The following KCNH8 variants were observed in gnomAD, a reference collection of about 807,000 sequenced individuals.
KCNH8 encodes the protein potassium voltage-gated channel subfamily H member 8.
A neutral mutation model predicts 103.6 loss-of-function variants in KCNH8; 70 were observed. The observed-to-expected ratio is 0.68, with a 90% confidence interval of 0.56 to 0.82. KCNH8 has a LOEUF of 0.82. KCNH8 is among the 40% of genes least tolerant of loss of function. The pLI, the probability that KCNH8 is intolerant of heterozygous loss-of-function variation, is 0.00. For synonymous variants in KCNH8, 498 were observed against 489.4 expected (o/e 1.02, Z -0.23); for missense variants, 1,217 against 1,329.9 (o/e 0.92, Z 1.32).
intron 3 of KCNH8, among the ~76,000 whole-genome samples, chr3:19,301,578 G>C (rs2065065179): frequency 6.6e-6 from 1 of 152,076 alleles, no homozygotes; most frequent in Non-Finnish European, 1.5e-5. Flanking sequence ...CCAAATGTGT[G>C]TTTTTTCGAC....
At chr3:19,304,581 A>G (rs989662192) in intron 3 of KCNH8, among the ~76,000 whole-genome samples, 1 of 152,156 alleles carries the variant, frequency 6.6e-6, no homozygotes, top group Admixed American at 6.6e-5. Context: ...ATAATGATAG[A>G]ATTTTTTAAC....
chr3:19,302,255 T>G (rs1039971906), intron 3 of KCNH8, among the ~76,000 whole-genome samples: 2 of 152,142 alleles, frequency 1.3e-5, no homozygotes, highest in East Asian at 3.9e-4. Context: ...AGAGGCTTAC[T>G]GTGAATAACA....
intron 1 of KCNH8, among the ~76,000 whole-genome samples, chr3:19,201,261 A>AAAG (rs2063658900): frequency 6.9e-6 from 1 of 144,840 alleles, no homozygotes; most frequent in Non-Finnish European, 1.5e-5. Context: ...AAAAAAAAAA[A>AAAG]AGAAAAGAAA....
At chr3:19,233,988 T>G (rs189742686) in intron 1 of KCNH8, among the ~76,000 whole-genome samples, 2 of 152,246 alleles carry the variant, frequency 1.3e-5, no homozygotes, top group East Asian at 3.9e-4. Flanking sequence ...CAAGATTTAT[T>G]GCAAAGAGCA....
intron 1 of KCNH8, among the ~76,000 whole-genome samples, chr3:19,195,691 C>T (rs556901007): frequency 6.6e-6 from 1 of 152,094 alleles, no homozygotes; most frequent in East Asian, 1.9e-4. Context: ...GGAGTCAGAG[C>T]ATGGCCTGTG....
intron 3 of KCNH8, among the ~76,000 whole-genome samples, chr3:19,321,108 G>A (rs1048323935): frequency 9.2e-5 from 14 of 151,602 alleles, no homozygotes; most frequent in South Asian, 4.1e-4. Context: ...TGGTCTATGC[G>A]TTTTATTTAT....
At chr3:19,252,184 T>A (rs1444969250) in intron 1 of KCNH8, among the ~76,000 whole-genome samples, 1 of 152,164 alleles carries the variant, frequency 6.6e-6, no homozygotes, top group African/African-American at 2.4e-5. Context: ...ATCTTTTTTC[T>A]CTCTGTCGAC....
At chr3:19,169,406 C>T (rs995511126) in intron 1 of KCNH8, among the ~76,000 whole-genome samples, 5 of 152,008 alleles carry the variant, frequency 3.3e-5, no homozygotes, top group Non-Finnish European at 1.5e-5. Flanking sequence ...CTACAGGCGC[C>T]TGGCTAATTT....
chr3:19,502,323 A>G (rs1253465447), intron 11 of KCNH8, among the ~76,000 whole-genome samples: 3 of 150,928 alleles, frequency 2.0e-5, no homozygotes, highest in Admixed American at 6.6e-5. Context: ...GGAAGAATCA[A>G]TATTGTGAAA....
intron 3 of KCNH8, among the ~76,000 whole-genome samples, chr3:19,322,678 G>A (rs2065365875): frequency 6.6e-6 from 1 of 152,138 alleles, no homozygotes; most frequent in Admixed American, 6.5e-5. Context: ...CCCAGGCAAT[G>A]ATCTTTTTAC....
chr3:19,170,832 C>G (rs2063341518), intron 1 of KCNH8, among the ~76,000 whole-genome samples: 1 of 106,620 alleles, frequency 9.4e-6, no homozygotes, highest in Non-Finnish European at 1.6e-5. Flanking sequence ...TTTTTTGAGA[C>G]GAAGTCTCGC....
intron 11 of KCNH8, among the ~76,000 whole-genome samples, chr3:19,507,976 T>C (rs1357800156): frequency 6.6e-6 from 1 of 152,188 alleles, no homozygotes; most frequent in Non-Finnish European, 1.5e-5. Flanking sequence ...GGGAAGTTGA[T>C]TTTATTTGCA....
intron 5 of KCNH8, among the ~76,000 whole-genome samples, chr3:19,352,078 G>T (rs1360926481): frequency 6.6e-6 from 1 of 152,064 alleles, no homozygotes; most frequent in Non-Finnish European, 1.5e-5. Flanking sequence ...AAAAGCAGGG[G>T]TTGGAATCCT....
chr3:19,177,280 A>G (rs902953748), intron 1 of KCNH8, among the ~76,000 whole-genome samples: 3 of 152,062 alleles, frequency 2.0e-5, no homozygotes, highest in African/African-American at 7.2e-5. Flanking sequence ...AAATATTTTA[A>G]TGCTTTGTGT....
chr3:19,405,012 T>C (rs185918555), intron 7 of KCNH8, among the ~76,000 whole-genome samples: 191 of 151,942 alleles, frequency 1.3e-3, no homozygotes, highest in African/African-American at 4.3e-3. Context: ...CATTTACTTA[T>C]TTAGATAAAT....
chr3:19,505,866 AT>A (rs1338866859), intron 11 of KCNH8, among the ~76,000 whole-genome samples: 1 of 151,916 alleles, frequency 6.6e-6, no homozygotes, highest in Non-Finnish European at 1.5e-5. Context: ...ATTCTTTTTT[AT>A]TCTTTTTTAT....
chr3:19,455,521 C>T (rs149222360), intron 10 of KCNH8, among the ~76,000 whole-genome samples: 2 of 152,100 alleles, frequency 1.3e-5, no homozygotes, highest in African/African-American at 2.4e-5. Flanking sequence ...CCCAAAGTTA[C>T]TTAAAAACTT....
chr3:19,356,006 G>A (rs1446382362), intron 5 of KCNH8, among the ~76,000 whole-genome samples: 1 of 151,496 alleles, frequency 6.6e-6, no homozygotes, highest in African/African-American at 2.4e-5. Flanking sequence ...ATCAATTAGG[G>A]CACAATTGTT....
chr3:19,513,137 G>C lies in KCNH8; in HGVS notation c.2247G>C (p.Leu749=). Residue 749 remains leucine, a synonymous_variant, in exon 13 of 16, where the codon CTG becomes CTC. Transcript: ENST00000328405. ...AGGTTGGAAGCAATAAAGCCTACCT[G>C]GGCTTAAGCTTAAAGCAACTGGCCT... ...NKKVGSNKAY[L]GLSLKQLASG... 6.2e-7 allele frequency: 1 copy of C among 1,613,944 alleles called. No individual in the cohort carries two copies. The highest frequency in any genetic ancestry group is 8.5e-7 in the Non-Finnish European group (1 of 1,179,940).
Sources: allele counts gnomAD v4.1 joint callset (sites outside exome capture counted in the v4.1 genomes callset), GRCh38; gene constraint gnomAD v4.1.1; transcripts MANE v1.5; gene names NCBI Gene and HGNC (gene_info 2026-07-23, HGNC 2026-07-21).